Variants in HOMER2 observed in about 807,000 individuals in gnomAD.
HOMER2 encodes the protein homer protein homolog 2.
A neutral mutation model predicts 47.0 loss-of-function variants in HOMER2; 27 were observed. That is an observed-to-expected ratio of 0.57 (90% CI 0.42 to 0.79). The LOEUF (loss-of-function observed/expected upper bound fraction) is 0.79, where lower values mean the gene tolerates loss of function less well. HOMER2 is among the 30% of genes least tolerant of loss of function. HOMER2 has a pLI of 0.00. For synonymous variants in HOMER2, 161 were observed against 163.8 expected (o/e 0.98, Z 0.13); for missense variants, 443 against 435.0 (o/e 1.02, Z -0.16).
At chr15:82,977,831 A>T (rs2030258766) in intron 1 of HOMER2, among the ~76,000 whole-genome samples, 1 of 152,086 alleles carries the variant, frequency 6.6e-6, no homozygotes, top group Non-Finnish European at 1.5e-5. Flanking sequence ...GGGGAGAGGA[A>T]GTGGGAAAAA....
At chr15:82,927,368 A>G (rs1350236756) in intron 1 of HOMER2, among the ~76,000 whole-genome samples, 1 of 152,210 alleles carries the variant, frequency 6.6e-6, no homozygotes, top group East Asian at 1.9e-4. Context: ...CTAGATACTT[A>G]ACAAATACTC....
chr15:82,852,108 G>A lies in HOMER2; in HGVS notation c.762+34C>T, dbSNP rs754120111. The A allele has an allele frequency of 6.6e-6, 10 of 1,516,938 alleles. No individual in the cohort carries two copies. The Admixed American group carries it at 1.3e-4, about 20-fold the overall frequency. 94.0% of individuals were successfully genotyped at this position (1,516,938 alleles called of 1,614,324 possible). A position where few individuals can be genotyped will look rare whatever the true frequency, so the allele number is the denominator to read the frequency against. ...TGCCACCCCGCAAGGCCAAGAGGAC[G>A]CCAAGGGGCCCTGCTCGGAGCACCA... On this transcript the variant is annotated intron_variant, in intron 7 of 8. Coordinates refer to ENST00000450735, the MANE Select transcript of HOMER2 (RefSeq NM_004839.4).
intron 1 of HOMER2, among the ~76,000 whole-genome samples, chr15:82,909,845 C>A (rs2053402034): frequency 1.3e-5 from 2 of 152,034 alleles, no homozygotes; most frequent in African/African-American, 4.8e-5. Flanking sequence ...TAAAAGCTAA[C>A]TTGTTTCAGC....
At chr15:82,853,567 A>G (rs1450441939) in intron 6 of HOMER2, among the ~76,000 whole-genome samples, 1 of 152,176 alleles carries the variant, frequency 6.6e-6, no homozygotes, top group Non-Finnish European at 1.5e-5. Flanking sequence ...GTGAACACCA[A>G]TCTAAATGGG....
intron 6 of HOMER2, among the ~76,000 whole-genome samples, chr15:82,854,398 T>G (rs535346523): frequency 2.6e-4 from 40 of 151,748 alleles, no homozygotes; most frequent in Non-Finnish European, 5.0e-4. Context: ...AGAGCGAGAC[T>G]CCATCTCAAA....
At chr15:82,956,646 A>G (rs2054590260), upstream of HOMER2, among the ~76,000 whole-genome samples, 1 of 152,184 alleles carries the variant, frequency 6.6e-6, no homozygotes, top group African/African-American at 2.4e-5. Flanking sequence ...AGTGGATTAC[A>G]GATTATAGAT....
chr15:82,841,051 T>C (rs905598478), exon 2 of HOMER2: 3 of 152,098 alleles, frequency 2.0e-5, no homozygotes, highest in Non-Finnish European at 4.4e-5. Flanking sequence ...AAAAATTCCA[T>C]AATAAAATGA....
rs1596381926 is a variant in HOMER2 at position 82,952,514 on chromosome 15, G to A, written c.5+17C>T. 2 of 1,189,578 alleles carry A rather than the reference G, an allele frequency of 1.7e-6. No individual in the cohort carries two copies. Among genetic ancestry groups the A allele is most frequent in the Non-Finnish European group, 2.1e-6 (2 of 960,144 alleles). 73.7% of individuals were successfully genotyped at this position (1,189,578 alleles called of 1,614,324 possible). On this transcript the variant is annotated intron_variant, in intron 1 of 8. Transcript: ENST00000450735. Reference sequence around the variant, plus strand: ...CCGGAGGGGCGCGCGGAGAGCGCGCGGCGCGGGCTCACTCACCCCATCTCC... The same window carrying A: ...CCGGAGGGGCGCGCGGAGAGCGCGCAGCGCGGGCTCACTCACCCCATCTCC...
chr15:82,978,334 T>C (rs1038237587), intron 1 of HOMER2, among the ~76,000 whole-genome samples: 43 of 152,110 alleles, frequency 2.8e-4, no homozygotes, highest in Non-Finnish European at 7.4e-5. Context: ...TCACAGGAAT[T>C]CACTTCCTGT....
intron 1 of HOMER2, among the ~76,000 whole-genome samples, chr15:82,921,968 T>C (rs892525159): frequency 3.3e-5 from 5 of 152,242 alleles, no homozygotes; most frequent in African/African-American, 1.2e-4. Flanking sequence ...AGAGAAGGTA[T>C]AAATAAGCAC....
downstream of HOMER2, among the ~76,000 whole-genome samples, chr15:82,836,355 C>T (rs1388180321): frequency 6.6e-6 from 1 of 152,216 alleles, no homozygotes; most frequent in African/African-American, 2.4e-5. Flanking sequence ...GAAGGGCAGC[C>T]CCTCAGCCTG....
At chr15:82,850,470 A>T (rs967969948) in intron 8 of HOMER2, among the ~76,000 whole-genome samples, 11 of 152,222 alleles carry the variant, frequency 7.2e-5, no homozygotes, top group Non-Finnish European at 1.5e-4. Context: ...TGGGCCCCAC[A>T]AGCCTACAGA....
Position 82,872,046 on chromosome 15 carries a change from G to T in HOMER2, c.294+3227C>A, listed in dbSNP as rs183519659. Among the ~76,000 whole-genome samples, 10 of 152,256 alleles carry T rather than the reference G, an allele frequency of 6.6e-5. No individual in the cohort carries two copies. In the East Asian group the frequency reaches 1.7e-3, roughly 27 times the overall value. The stretch of plus-strand genomic sequence containing the variant: ...CCAGGACGGGCCTGCCAGGGATCAC[G>T]TCTTGGACAGAAGCTCCCAAGCCTA... On this transcript the variant is annotated intron_variant, in intron 3 of 8. Coordinates refer to ENST00000450735, the MANE Select transcript of HOMER2 (RefSeq NM_004839.4).
chr15:82,876,365 C>G (rs1393894568), intron 2 of HOMER2, among the ~76,000 whole-genome samples: 1 of 152,192 alleles, frequency 6.6e-6, no homozygotes, highest in Admixed American at 6.5e-5. Context: ...TTACTATACA[C>G]CAGACATTCT....
intron 4 of HOMER2, among the ~76,000 whole-genome samples, chr15:82,859,956 A>G (rs2051720199): frequency 6.6e-6 from 1 of 152,142 alleles, no homozygotes; most frequent in Admixed American, 6.5e-5. Context: ...CATATGAAAA[A>G]CAAAATGTCG....
At chr15:82,854,507 T>C (rs2051500337) in intron 6 of HOMER2, 137 bp downstream of exon 6, 2 of 805,096 alleles carry the variant, frequency 2.5e-6, no homozygotes, top group East Asian at 2.7e-5. Context: ...GACGTTCCCA[T>C]GGGAGAGGCA....
chr15:82,923,226 C>CTT (rs1380857159), intron 1 of HOMER2, among the ~76,000 whole-genome samples: 1 of 152,096 alleles, frequency 6.6e-6, no homozygotes, highest in Non-Finnish European at 1.5e-5. Context: ...TGGCTCACAC[C>CTT]TATAATCCCA....
At chr15:82,889,546 G>A (rs547833810) in intron 2 of HOMER2, among the ~76,000 whole-genome samples, 3 of 152,324 alleles carry the variant, frequency 2.0e-5, no homozygotes, top group Non-Finnish European at 4.4e-5. Context: ...CCAGCAGTCC[G>A]CTCAACACAC....
In HOMER2 at chr15:82,952,546, G is replaced by T. The variant is rs1173360744; in HGVS notation, c.-11C>A. 56 of 1,180,450 alleles carry T rather than the reference G, an allele frequency of 4.7e-5. No homozygotes were observed. Among genetic ancestry groups the T allele is most frequent in the Non-Finnish European group, 5.8e-5 (55 of 955,030 alleles). The allele number at this position is 1,180,450 out of a possible 1,614,324, so 73.1% of individuals were successfully genotyped here. On this transcript the variant is annotated 5_prime_UTR_variant, in exon 1 of 9. Coordinates refer to ENST00000450735, the MANE Select transcript of HOMER2 (RefSeq NM_004839.4). ...GCTCACTCACCCCATCTCCGGCGCT[G>T]CTCCGGCGGCCGCTCCGACGGGGCC...
Sources: allele counts gnomAD v4.1 joint callset (sites outside exome capture counted in the v4.1 genomes callset), GRCh38; gene constraint gnomAD v4.1.1; transcripts MANE v1.5; gene names NCBI Gene and HGNC (gene_info 2026-07-23, HGNC 2026-07-21).